Variants in GTF2IRD2 observed in about 807,000 individuals in gnomAD.
GTF2IRD2 encodes the protein GTF2I repeat domain containing 2.
Under a neutral mutation model 49.2 loss-of-function variants are expected in GTF2IRD2, and 8 were observed. The observed-to-expected ratio is 0.16, with a 90% CI of 0.10 to 0.29. GTF2IRD2 has a LOEUF of 0.29. Ranked by LOEUF, GTF2IRD2 falls within the 10% of genes least tolerant of loss-of-function variation. The pLI is 1.00. For synonymous variants in GTF2IRD2, 47 were observed against 289.7 expected (o/e 0.16, Z 8.51); for missense variants, 130 against 725.7 (o/e 0.18, Z 9.43).
At chr7:74,830,142 G>A (rs1260966836) in intron 3 of GTF2IRD2, among the ~76,000 whole-genome samples, 48 of 135,020 alleles carry the variant, frequency 3.6e-4, no homozygotes, top group African/African-American at 1.1e-3. Context: ...CAAGACAGGA[G>A]GATCACTTGA....
chr7:74,840,067 C>CTTTTTTTT (rs1165672995), intron 1 of GTF2IRD2, among the ~76,000 whole-genome samples: 16 of 70,150 alleles, frequency 2.3e-4, no homozygotes, highest in South Asian at 6.5e-4. Flanking sequence ...GGTCCTATGT[C>CTTTTTTTT]TTTTTTTTTT....
At chr7:74,824,277 T>C (rs1198723965) in intron 4 of GTF2IRD2, among the ~76,000 whole-genome samples, 1 of 69,488 alleles carries the variant, frequency 1.4e-5, no homozygotes, top group Non-Finnish European at 2.5e-5. Context: ...GAGACCAACC[T>C]GGCCAACATG....
chr7:74,819,836 T>G (rs1554418436), intron 7 of GTF2IRD2, 133 bp downstream of exon 7: 1 of 785,856 alleles, frequency 1.3e-6, no homozygotes, highest in African/African-American at 1.8e-5. Context: ...AAGAATAGGA[T>G]AGAAAATAAG....
chr7:74,831,198 T>C (rs1435926013), intron 3 of GTF2IRD2, among the ~76,000 whole-genome samples: 2 of 150,466 alleles, frequency 1.3e-5, no homozygotes, highest in African/African-American at 4.9e-5. Context: ...CTCCCCTCTC[T>C]CATCTCTCTC....
chr7:74,840,046 CT>C (rs1800663083), intron 1 of GTF2IRD2, among the ~76,000 whole-genome samples: 1 of 144,988 alleles, frequency 6.9e-6, no homozygotes, highest in Non-Finnish European at 1.5e-5. Flanking sequence ...AGGGGCACCC[CT>C]GGTGATGAAG....
At chr7:74,818,655 GC>G (rs58524662) in intron 8 of GTF2IRD2, among the ~76,000 whole-genome samples, 14,706 of 140,616 alleles carry the variant, frequency 0.1, 2,338 homozygotes, top group African/African-American at 0.35. Context: ...TCGCCATGTT[GC>G]CCAGGCTGGT....
At chr7:74,818,396 T>C (rs1298062719) in intron 8 of GTF2IRD2, among the ~76,000 whole-genome samples, 2 of 146,768 alleles carry the variant, frequency 1.4e-5, no homozygotes, top group Non-Finnish European at 3.0e-5. Context: ...CAAAAGTATG[T>C]GTATTTAATA....
At chr7:74,798,882 A>G (rs71231096) in intron 15 of GTF2IRD2, 46 of 158,340 alleles carry the variant, frequency 2.9e-4, no homozygotes, top group Admixed American at 2.4e-4. Flanking sequence ...GGTGATAATG[A>G]CTCATTGCAG....
chr7:74,796,448 G>A lies in GTF2IRD2; in HGVS notation c.*214C>T, dbSNP rs1796960074. On this transcript the variant is annotated 3_prime_UTR_variant, in exon 16 of 16. Coordinates refer to ENST00000451013, the MANE Select transcript of GTF2IRD2 (RefSeq NM_173537.5). The stretch of plus-strand genomic sequence containing the variant: ...ATGGTGGCGCACGCCTGTAGTCCCA[G>A]CTGCTCGGGAGGCTGAGGCAGGAGA... The A allele has an allele frequency of 5.6e-6, 3 of 533,118 alleles. No homozygotes were observed. Among genetic ancestry groups the A allele is most frequent in the Middle Eastern group, 5.2e-4 (1 of 1,940 alleles). The allele number at this position is 533,118 out of a possible 1,614,324, so 33.0% of individuals were successfully genotyped here. A position where few individuals can be genotyped will look rare whatever the true frequency, so the allele number is the denominator to read the frequency against.
intron 6 of GTF2IRD2, 176 bp downstream of exon 6, chr7:74,822,251 G>A (rs189897069): frequency 3.8e-6 from 3 of 782,192 alleles, no homozygotes; most frequent in East Asian, 2.8e-5. Flanking sequence ...GGGCTTCACC[G>A]TGTTAGCCAG....
At position 74,797,689 on chromosome 7, in the gene GTF2IRD2, A is replaced by T. The variant is rs1797101051; in HGVS notation, c.1823T>A (p.Ile608Asn). 7.9e-7 allele frequency: 1 copy of T among 1,269,998 alleles called. No individual in the cohort carries two copies. Among genetic ancestry groups the T allele is most frequent in the Non-Finnish European group, 1.1e-6 (1 of 907,336 alleles). The allele number at this position is 1,269,998 out of a possible 1,614,324, so 78.7% of individuals were successfully genotyped here. Residue 608 changes from isoleucine to asparagine, a missense_variant, in exon 16 of 16, where the codon ATC (isoleucine) becomes AAC (asparagine). Ile to Asn is a moderately radical substitution (Grantham distance 149, BLOSUM62 -3). Transcript: ENST00000451013. ...RVEKSLKNFCIDWSKLVSVAS... is the reference protein window; with the variant it reads ...RVEKSLKNFCNDWSKLVSVAS... Reference sequence around the variant, plus strand: ...CACGCTTACTAATTTCGACCAGTCGATACAGAAGTTTTTCAGGCTTTTCTC... The same window carrying T: ...CACGCTTACTAATTTCGACCAGTCGTTACAGAAGTTTTTCAGGCTTTTCTC...
At chr7:74,811,227 G>A (rs1404568592) in intron 9 of GTF2IRD2, among the ~76,000 whole-genome samples, 1 of 151,420 alleles carries the variant, frequency 6.6e-6, no homozygotes, top group African/African-American at 2.4e-5. Flanking sequence ...AAAATCAACC[G>A]AGTGTGGTGG....
At chr7:74,826,673 G>T (rs1191623752) in intron 3 of GTF2IRD2, among the ~76,000 whole-genome samples, 2 of 75,166 alleles carry the variant, frequency 2.7e-5, no homozygotes, top group African/African-American at 6.0e-5. Context: ...TCCCATCCAT[G>T]TTGCTGCAAA....
chr7:74,822,088 C>G (rs1563015306), intron 6 of GTF2IRD2: 1 of 315,770 alleles, frequency 3.2e-6, no homozygotes, highest in Non-Finnish European at 6.0e-6. Context: ...GCTCAGTCGC[C>G]CAGGCTGGAG....
At chr7:74,827,073 C>T (rs587598428) in intron 3 of GTF2IRD2, among the ~76,000 whole-genome samples, 97 of 150,534 alleles carry the variant, frequency 6.4e-4, no homozygotes, top group African/African-American at 2.1e-3. Flanking sequence ...TTCTTTGTCC[C>T]GTCATCTGGT....
Position 74,824,906 on chromosome 7 carries a change from A to T in GTF2IRD2, c.358+27T>A. 2 of 878,380 alleles carry T rather than the reference A, an allele frequency of 2.3e-6. 1 individual carries two copies. The highest frequency in any genetic ancestry group is 2.9e-6 in the Non-Finnish European group (2 of 686,120). The allele number at this position is 878,380 out of a possible 1,614,324, so 54.4% of individuals were successfully genotyped here. ...GACTCCATCTCAAAAAAAAAAAAAT[A>T]GAATTAATGCTTAAAGTGAACGTTA... On this transcript the variant is annotated intron_variant, in intron 4 of 15. Transcript: ENST00000451013.
chr7:74,803,281 TC>T lies in GTF2IRD2; in HGVS notation c.1217+16del, dbSNP rs1797633159. On this transcript the variant is annotated intron_variant, in intron 14 of 15. Coordinates refer to ENST00000451013, the MANE Select transcript of GTF2IRD2 (RefSeq NM_173537.5). ...GGCAAGTCAGAGTCTCCAGATTCCT[TC>T]TCTTGACTCACTTACCTGATGACTG... 3.9e-6 allele frequency: 1 copy of T among 258,952 alleles called. No individual in the cohort carries two copies. The highest frequency in any genetic ancestry group is 7.3e-6 in the Non-Finnish European group (1 of 137,080). 16.0% of individuals were successfully genotyped at this position (258,952 alleles called of 1,614,324 possible).
chr7:74,809,656 A>AAC (rs1180727587), intron 10 of GTF2IRD2, among the ~76,000 whole-genome samples: 11 of 34,072 alleles, frequency 3.2e-4, no homozygotes, highest in African/African-American at 1.9e-3. Context: ...AAAAAAAAAA[A>AAC]CAGAATCATT....
intron 1 of GTF2IRD2, among the ~76,000 whole-genome samples, chr7:74,839,893 C>T (rs1800639431): frequency 7.7e-6 from 1 of 130,666 alleles, no homozygotes; most frequent in African/African-American, 3.1e-5. Context: ...CCAGCTACTC[C>T]GGAGGCTGAG....
Sources: allele counts gnomAD v4.1 joint callset (sites outside exome capture counted in the v4.1 genomes callset), GRCh38; gene constraint gnomAD v4.1.1; transcripts MANE v1.5; gene names NCBI Gene and HGNC (gene_info 2026-07-23, HGNC 2026-07-21).